ROBO2: variants seen among roughly 807,000 people sequenced by gnomAD.
ROBO2 encodes the protein roundabout guidance receptor 2, also known as roundabout homolog 2.
ROBO2 carries 53 observed loss-of-function variants against 160.8 expected under a neutral mutation model. The observed-to-expected ratio is 0.33, with a 90% confidence interval of 0.26 to 0.41. The LOEUF (loss-of-function observed/expected upper bound fraction) is 0.41. Ranked by LOEUF, ROBO2 falls within the 10% of genes least tolerant of loss-of-function variation. The pLI is 1.00. For synonymous variants in ROBO2, 664 were observed against 611.7 expected (o/e 1.09, Z -1.26); for missense variants, 1,577 against 1,722.4 (o/e 0.92, Z 1.49).
chr3:77,166,613 C>T (rs13081194), intron 2 of ROBO2, among the ~76,000 whole-genome samples: 61,880 of 151,984 alleles, frequency 0.41, 13,126 homozygotes, highest in Middle Eastern at 0.54. Flanking sequence ...GGCTGGGGTG[C>T]GGTGGCGCCA....
At chr3:76,365,311 T>C (rs1215402421) in intron 2 of ROBO2, among the ~76,000 whole-genome samples, 3 of 152,118 alleles carry the variant, frequency 2.0e-5, no homozygotes, top group Non-Finnish European at 4.4e-5. Context: ...TACAGGTAGA[T>C]GATCCCTGTT....
chr3:76,210,017 A>C (rs969266879), intron 2 of ROBO2, among the ~76,000 whole-genome samples: 6 of 152,080 alleles, frequency 3.9e-5, no homozygotes, highest in African/African-American at 1.4e-4. Context: ...TTGATTGGAC[A>C]CTCTTTGGTC....
intron 4 of ROBO2, among the ~76,000 whole-genome samples, chr3:77,486,829 C>T (rs1258462315): frequency 6.6e-6 from 1 of 151,948 alleles, no homozygotes; most frequent in Non-Finnish European, 1.5e-5. Flanking sequence ...AGTTTCTCTT[C>T]CCCACCATCC....
chr3:77,285,032 A>C (rs2153377470), intron 2 of ROBO2, among the ~76,000 whole-genome samples: 1 of 152,298 alleles, frequency 6.6e-6, no homozygotes, highest in Non-Finnish European at 1.5e-5. Flanking sequence ...GAAAGAAGCC[A>C]GAAGCCGAAG....
chr3:75,989,625 G>T (rs1346933559), intron 2 of ROBO2, among the ~76,000 whole-genome samples: 3 of 152,160 alleles, frequency 2.0e-5, no homozygotes, highest in Non-Finnish European at 4.4e-5. Context: ...TTAAAGATAA[G>T]TATGAAGATT....
At chr3:77,076,570 C>G (rs1446953546) in intron 1 of ROBO2, among the ~76,000 whole-genome samples, 3 of 151,846 alleles carry the variant, frequency 2.0e-5, no homozygotes, top group African/African-American at 7.3e-5. Context: ...TATGTCTCAC[C>G]AACCACCTAT....
At chr3:77,170,350 G>A (rs1249814470) in intron 2 of ROBO2, among the ~76,000 whole-genome samples, 2 of 152,066 alleles carry the variant, frequency 1.3e-5, no homozygotes, top group South Asian at 2.1e-4. Flanking sequence ...GTGTTTAACA[G>A]ATCTAATTAT....
chr3:77,068,101 A>G lies in ROBO2; in HGVS notation c.61+27255A>G, dbSNP rs1477246052. Among the ~76,000 whole-genome samples the G allele has an allele frequency of 2.0e-5, 3 of 152,096 alleles. No homozygotes were observed. The East Asian group carries it at 5.8e-4, about 29-fold the overall frequency. On this transcript the variant is annotated intron_variant, in intron 1 of 25. Transcript: ENST00000461745. Reference sequence around the variant, plus strand: ...TGTATATTTGTAAAATTTTCCAAAAACACACCATTAGTCTTCTGTCATTGT... The same window carrying G: ...TGTATATTTGTAAAATTTTCCAAAAGCACACCATTAGTCTTCTGTCATTGT...
chr3:76,496,267 A>C (rs982846119), intron 2 of ROBO2, among the ~76,000 whole-genome samples: 1 of 152,172 alleles, frequency 6.6e-6, no homozygotes, highest in Non-Finnish European at 1.5e-5. Context: ...CAATTCTTTC[A>C]TTTTCATCTT....
intron 2 of ROBO2, among the ~76,000 whole-genome samples, chr3:76,948,234 T>C (rs903518883): frequency 1.3e-5 from 2 of 152,232 alleles, no homozygotes; most frequent in African/African-American, 4.8e-5. Context: ...GCAATTATGC[T>C]GCTCTGCAGT....
intron 24 of ROBO2, among the ~76,000 whole-genome samples, chr3:77,635,757 G>A (rs1258252993): frequency 3.3e-5 from 5 of 152,158 alleles, no homozygotes; most frequent in African/African-American, 9.7e-5. Flanking sequence ...TACCATCTAT[G>A]TTCGTGTAAA....
At chr3:76,375,799 T>G (rs1310817259) in intron 2 of ROBO2, among the ~76,000 whole-genome samples, 1 of 152,060 alleles carries the variant, frequency 6.6e-6, no homozygotes, top group Non-Finnish European at 1.5e-5. Flanking sequence ...TAAGTCATAT[T>G]GTTTTGGGGG....
intron 2 of ROBO2, among the ~76,000 whole-genome samples, chr3:76,458,317 G>A (rs555372159): frequency 1.6e-4 from 25 of 152,016 alleles, no homozygotes; most frequent in Admixed American, 1.5e-3. Flanking sequence ...TGTAGGGCAC[G>A]GGCAAAATGC....
chr3:76,807,920 G>A (rs2064862882), intron 2 of ROBO2, among the ~76,000 whole-genome samples: 1 of 151,850 alleles, frequency 6.6e-6, no homozygotes, highest in African/African-American at 2.4e-5. Flanking sequence ...AATGCCTAAA[G>A]GATTTATTAT....
intron 2 of ROBO2, among the ~76,000 whole-genome samples, chr3:76,322,088 T>A (rs1048162467): frequency 5.2e-4 from 78 of 150,126 alleles, no homozygotes; most frequent in African/African-American, 1.9e-3. Context: ...CTGAAACTAT[T>A]TACTTGCCTT....
At chr3:76,904,264 T>G (rs2075438750) in intron 2 of ROBO2, among the ~76,000 whole-genome samples, 1 of 152,140 alleles carries the variant, frequency 6.6e-6, no homozygotes, top group Non-Finnish European at 1.5e-5. Context: ...AAAGACATGA[T>G]TTAATCATGA....
chr3:76,202,443 A>G (rs1283766051), intron 2 of ROBO2, among the ~76,000 whole-genome samples: 1 of 152,218 alleles, frequency 6.6e-6, no homozygotes, highest in Admixed American at 6.5e-5. Flanking sequence ...TATCTAAATC[A>G]TGTACCTTGT....
intron 8 of ROBO2, 22 bp from the exon 10 acceptor site, chr3:77,557,922 T>C: frequency 6.5e-7 from 1 of 1,539,178 alleles, no homozygotes; most frequent in Non-Finnish European, 8.9e-7. Context: ...TTAAAATACC[T>C]GAAAAGAGCT....
At position 77,220,625 on chromosome 3, in the gene ROBO2, T is replaced by C. The variant is rs977582028; in HGVS notation, c.388+122285T>C. Among the ~76,000 whole-genome samples, 7 of 152,162 alleles carry C rather than the reference T, an allele frequency of 4.6e-5. No individual in the cohort carries two copies. In the South Asian group the frequency reaches 8.3e-4, roughly 18 times the overall value. On this transcript the variant is annotated intron_variant, in intron 2 of 25. Coordinates refer to ENST00000461745, the Ensembl canonical transcript of ROBO2. Reference sequence around the variant, plus strand: ...TCATTATTCTGTCAAGATGATTAAATGGACATTTTCCTAATCTTCTAGTTG... The same window carrying C: ...TCATTATTCTGTCAAGATGATTAAACGGACATTTTCCTAATCTTCTAGTTG...
Sources: gnomAD v4.1 joint callset for allele counts (sites outside exome capture counted in the v4.1 genomes callset) on GRCh38, gnomAD v4.1.1 for gene constraint, MANE v1.5 for transcripts, NCBI Gene and HGNC (gene_info 2026-07-23, HGNC 2026-07-21) for gene names.